The following ARHGAP32 variants were observed in gnomAD, a reference collection of about 807,000 sequenced individuals.
ARHGAP32 encodes rho GTPase-activating protein 32.
Under a neutral mutation model 186.5 loss-of-function variants are expected in ARHGAP32, and 51 were observed. The observed-to-expected ratio is 0.27, with a 90% CI of 0.22 to 0.35. The LOEUF (loss-of-function observed/expected upper bound fraction) is 0.35, where lower values mean the gene tolerates loss of function less well. ARHGAP32 is among the 10% of genes least tolerant of loss of function. The probability of loss-of-function intolerance (pLI) is 1.00; values close to 1 mark genes in which losing one functional copy is unlikely to be tolerated. For synonymous variants in ARHGAP32, 950 were observed against 964.3 expected (o/e 0.99, Z 0.27); for missense variants, 2,186 against 2,623.5 (o/e 0.83, Z 3.64).
intron 5 of ARHGAP32, among the ~76,000 whole-genome samples, chr11:129,115,533 C>A (rs1942344365): frequency 6.6e-6 from 1 of 152,064 alleles, no homozygotes; most frequent in Non-Finnish European, 1.5e-5. Context: ...CACTGTGATG[C>A]CCATCATATG....
intron 11 of ARHGAP32, among the ~76,000 whole-genome samples, chr11:129,037,359 TG>T (rs1939388517): frequency 6.6e-6 from 1 of 150,576 alleles, no homozygotes; most frequent in Non-Finnish European, 1.5e-5. Flanking sequence ...CCTGGCACAG[TG>T]GCACATGCCT....
chr11:129,133,649 T>A (rs1382990957), intron 2 of ARHGAP32, among the ~76,000 whole-genome samples: 1 of 152,178 alleles, frequency 6.6e-6, no homozygotes, highest in Non-Finnish European at 1.5e-5. Flanking sequence ...CCCAGAAATC[T>A]GCATCAAGTG....
At chr11:129,214,677 T>G (rs1944623015) in intron 1 of ARHGAP32, among the ~76,000 whole-genome samples, 1 of 152,200 alleles carries the variant, frequency 6.6e-6, no homozygotes, top group Non-Finnish European at 1.5e-5. Context: ...AGATGCAAAT[T>G]TGTTTCAAAT....
chr11:129,012,309 G>C (rs574879145), intron 11 of ARHGAP32, among the ~76,000 whole-genome samples: 28 of 152,176 alleles, frequency 1.8e-4, no homozygotes, highest in African/African-American at 6.3e-4. Flanking sequence ...GATCTAAAAG[G>C]TTAAGAAGAA....
intron 1 of ARHGAP32, among the ~76,000 whole-genome samples, chr11:129,216,490 T>G (rs1230036619): frequency 6.6e-6 from 1 of 151,810 alleles, no homozygotes; most frequent in Non-Finnish European, 1.5e-5. Flanking sequence ...GAGATCAGCC[T>G]GGTGAAATCC....
intron 20 of ARHGAP32, among the ~76,000 whole-genome samples, chr11:128,975,209 T>C (rs923238479): frequency 1.3e-5 from 2 of 152,104 alleles, no homozygotes; most frequent in African/African-American, 4.8e-5. Flanking sequence ...ATAGCAAACA[T>C]GTGATAGAAT....
At chr11:128,973,669 A>AT (rs1945459404) in intron 21 of ARHGAP32, 2 of 564,114 alleles carry the variant, frequency 3.5e-6, no homozygotes, top group East Asian at 2.9e-5. Context: ...TGTTACAGAG[A>AT]TGGGGGGGAA....
At chr11:129,263,101 G>A (rs1945346252) in intron 1 of ARHGAP32, among the ~76,000 whole-genome samples, 1 of 152,056 alleles carries the variant, frequency 6.6e-6, no homozygotes, top group South Asian at 2.1e-4. Flanking sequence ...AACTCAAAGT[G>A]GATCAACGAT....
chr11:129,093,776 T>C, intron 5 of ARHGAP32, 69 bp from the exon 6 acceptor site: 1 of 1,071,124 alleles, frequency 9.3e-7, no homozygotes, highest in South Asian at 1.4e-5. Context: ...AAACTAAGCA[T>C]TCATAATACC....
intron 1 of ARHGAP32, among the ~76,000 whole-genome samples, chr11:129,200,475 C>T (rs1944444251): frequency 6.6e-6 from 1 of 152,090 alleles, no homozygotes. Flanking sequence ...AAGGGGAAAC[C>T]ACTTTCACTT....
intron 2 of ARHGAP32, among the ~76,000 whole-genome samples, chr11:129,153,408 A>G (rs1158652752): frequency 6.6e-6 from 1 of 152,156 alleles, no homozygotes. Context: ...TGGAACCAAA[A>G]AAGAGCCCAC....
chr11:129,036,550 C>A (rs1480349782), intron 11 of ARHGAP32, among the ~76,000 whole-genome samples: 2 of 152,018 alleles, frequency 1.3e-5, no homozygotes, highest in African/African-American at 4.8e-5. Flanking sequence ...GCTTACACCA[C>A]AGAAAGATGG....
At chr11:128,975,438 T>C (rs997930766) in intron 20 of ARHGAP32, among the ~76,000 whole-genome samples, 3 of 152,178 alleles carry the variant, frequency 2.0e-5, no homozygotes, top group African/African-American at 4.8e-5. Context: ...GTTTTTTTTG[T>C]GGGGAAACAT....
chr11:129,069,632 G>A (rs1358040556), intron 6 of ARHGAP32, among the ~76,000 whole-genome samples: 1 of 152,046 alleles, frequency 6.6e-6, no homozygotes, highest in Non-Finnish European at 1.5e-5. Flanking sequence ...CAGCTTTGGA[G>A]AATAAAATCT....
chr11:129,182,029 T>C (rs1317476969), intron 1 of ARHGAP32, among the ~76,000 whole-genome samples: 1 of 152,194 alleles, frequency 6.6e-6, no homozygotes, highest in Non-Finnish European at 1.5e-5. Flanking sequence ...TTAGTAGGTT[T>C]ACACATTGTT....
chr11:128,978,939 A>G, intron 18 of ARHGAP32, 24 bp from the exon 19 acceptor site: 2 of 1,588,534 alleles, frequency 1.3e-6, no homozygotes, highest in Non-Finnish European at 1.7e-6. Flanking sequence ...AAAATAATCA[A>G]CATTAAGATA....
chr11:128,994,100 G>C (rs1352085254), intron 12 of ARHGAP32, among the ~76,000 whole-genome samples: 1 of 151,898 alleles, frequency 6.6e-6, no homozygotes, highest in Non-Finnish European at 1.5e-5. Flanking sequence ...AAATTGAATT[G>C]ATATTTGAAA....
At chr11:129,061,251 T>C (rs1940491032) in intron 10 of ARHGAP32, among the ~76,000 whole-genome samples, 1 of 152,100 alleles carries the variant, frequency 6.6e-6, no homozygotes, top group Non-Finnish European at 1.5e-5. Flanking sequence ...GGATACAACT[T>C]TAAGGCATTT....
At chr11:129,252,348 T>C (rs759727630) in intron 1 of ARHGAP32, among the ~76,000 whole-genome samples, 13 of 152,192 alleles carry the variant, frequency 8.5e-5, no homozygotes, top group Non-Finnish European at 1.8e-4. Flanking sequence ...AACTGTACTG[T>C]TTTCAGGACA....
Sources: allele counts gnomAD v4.1 joint callset (sites outside exome capture counted in the v4.1 genomes callset), GRCh38; gene constraint gnomAD v4.1.1; transcripts MANE v1.5; gene names NCBI Gene and HGNC (gene_info 2026-07-23, HGNC 2026-07-21).